Variants in BABAM2 observed in about 807,000 individuals in gnomAD.
BABAM2 encodes the protein BRISC and BRCA1-A complex member 2.
BABAM2 carries 31 observed loss-of-function variants against 54.7 expected under a neutral mutation model. The observed-to-expected ratio is 0.57, with a 90% CI of 0.43 to 0.77. The LOEUF is 0.77. BABAM2 is among the 30% of genes least tolerant of loss of function. The pLI, the probability that BABAM2 is intolerant of heterozygous loss-of-function variation, is 0.00. For synonymous variants in BABAM2, 167 were observed against 162.9 expected, an observed-to-expected ratio of 1.03 and a Z score of -0.19; for missense variants, 364 against 455.8, an observed-to-expected ratio of 0.80 and a Z score of 1.83.
intron 7 of BABAM2, among the ~76,000 whole-genome samples, chr2:28,167,702 AAAT>A (rs1558400374): frequency 6.4e-4 from 22 of 34,520 alleles, no homozygotes; most frequent in African/African-American, 2.4e-3. Flanking sequence ...TCAAAAAAAT[AAAT>A]AAATAAATAA....
chr2:28,169,314 A>C (rs1674060156), intron 7 of BABAM2, among the ~76,000 whole-genome samples: 1 of 152,212 alleles, frequency 6.6e-6, no homozygotes, highest in African/African-American at 2.4e-5. Flanking sequence ...ATGTTTAGCT[A>C]TTCTGGAAGA....
intron 10 of BABAM2, among the ~76,000 whole-genome samples, chr2:28,269,641 A>AAGGCAG (rs1685256337): frequency 6.6e-6 from 1 of 152,170 alleles, no homozygotes; most frequent in South Asian, 2.1e-4. Flanking sequence ...ACTGGAGATA[A>AAGGCAG]AGGCAGGCCA....
At chr2:28,185,018 C>A (rs750329685) in intron 7 of BABAM2, among the ~76,000 whole-genome samples, 32 of 152,066 alleles carry the variant, frequency 2.1e-4, no homozygotes, top group Non-Finnish European at 4.0e-4. Flanking sequence ...ATGTTACTCT[C>A]ACAAGTTTAC....
At chr2:27,932,217 T>C (rs1170494812) in intron 3 of BABAM2, among the ~76,000 whole-genome samples, 1 of 151,398 alleles carries the variant, frequency 6.6e-6, no homozygotes, top group East Asian at 1.9e-4. Flanking sequence ...CATCCGATAA[T>C]TTTTTATTAC....
chr2:28,295,833 C>A (rs184937650), intron 10 of BABAM2, among the ~76,000 whole-genome samples: 1 of 151,354 alleles, frequency 6.6e-6, no homozygotes, highest in Non-Finnish European at 1.5e-5. Context: ...TCAGAAGAGG[C>A]GCGGTGGTTC....
chr2:28,315,337 A>G (rs1689438666), intron 11 of BABAM2, among the ~76,000 whole-genome samples: 1 of 150,394 alleles, frequency 6.6e-6, no homozygotes, highest in South Asian at 2.1e-4. Flanking sequence ...AATGCCTGGC[A>G]CATTGTTGGT....
At position 28,288,955 on chromosome 2, in the gene BABAM2, G is replaced by GGTT. The variant is rs201993848; in HGVS notation, c.935-9376_935-9374dup. Among the ~76,000 whole-genome samples the GGTT allele has an allele frequency of 7.0e-3, 1,056 of 151,208 alleles. 10 individuals are homozygous for GGTT. The highest frequency in any genetic ancestry group is 0.024 in the African/African-American group (1,000 of 41,160). Reference sequence around the variant, plus strand: ...TCTTCCTGGCACTCTACCCACTGTGGGTTGTTGTTTTTTTTTTTTTTCTGA... The same window carrying GGTT: ...TCTTCCTGGCACTCTACCCACTGTGGGTTGTTGTTGTTTTTTTTTTTTTTCTGA... On this transcript the variant is annotated intron_variant, in intron 10 of 11. Transcript: ENST00000379624.
chr2:28,140,568 C>A (rs1670952805), intron 7 of BABAM2, among the ~76,000 whole-genome samples: 1 of 151,916 alleles, frequency 6.6e-6, no homozygotes, highest in African/African-American at 2.4e-5. Flanking sequence ...TTTCATAGAT[C>A]CCTAGGGATA....
intron 3 of BABAM2, among the ~76,000 whole-genome samples, chr2:27,964,429 G>A (rs1310312318): frequency 6.6e-6 from 1 of 152,160 alleles, no homozygotes; most frequent in Non-Finnish European, 1.5e-5. Flanking sequence ...GTAGAGGAAA[G>A]CAGTTACATG....
chr2:27,938,789 A>G (rs1668669258), intron 3 of BABAM2, among the ~76,000 whole-genome samples: 1 of 149,830 alleles, frequency 6.7e-6, no homozygotes, highest in South Asian at 2.1e-4. Flanking sequence ...TCTACGGTAA[A>G]TAATAGATAA....
intron 7 of BABAM2, among the ~76,000 whole-genome samples, chr2:28,234,499 G>A (rs1330126351): frequency 7.2e-5 from 11 of 152,124 alleles, no homozygotes; most frequent in Non-Finnish European, 1.5e-4. Flanking sequence ...TTCCTTCCAT[G>A]TATATAATTT....
chr2:28,242,254 G>A (rs1270345616), intron 9 of BABAM2, among the ~76,000 whole-genome samples: 4 of 152,154 alleles, frequency 2.6e-5, no homozygotes, highest in African/African-American at 9.7e-5. Context: ...ATGCAAAAGC[G>A]GTGGCTCGCA....
rs540311277 is a variant in BABAM2 at position 28,329,169 on chromosome 2, T to C, written c.1089-9281T>C. Among the ~76,000 whole-genome samples, 4 of 152,310 alleles carry C rather than the reference T, an allele frequency of 2.6e-5. No individual in the cohort carries two copies. The South Asian group carries it at 8.3e-4, about 32-fold the overall frequency. Reference sequence around the variant, plus strand: ...CAACCATTATGTCATTTTCCAGGCATTACCCCTGATAACTTATGCTTCCTG... The same window carrying C: ...CAACCATTATGTCATTTTCCAGGCACTACCCCTGATAACTTATGCTTCCTG... On this transcript the variant is annotated intron_variant, in intron 11 of 11. Coordinates refer to ENST00000379624, the MANE Select transcript of BABAM2 (RefSeq NM_199191.3). This position sits in a 1 kb window ranked among gnomAD's most constrained non-coding sequence, Gnocchi z 4.2.
At chr2:28,191,736 A>AGT (rs1387289213) in intron 7 of BABAM2, among the ~76,000 whole-genome samples, 1 of 152,226 alleles carries the variant, frequency 6.6e-6, no homozygotes, top group East Asian at 1.9e-4. Context: ...ACAGCAGAAC[A>AGT]GTGGTTGCCT....
chr2:28,026,843 A>AATATATATTTATATATATATATCT (rs1553414445), intron 5 of BABAM2, among the ~76,000 whole-genome samples: 9 of 40,652 alleles, frequency 2.2e-4, no homozygotes, highest in African/African-American at 8.3e-4. Context: ...AATATATATA[A>AATATATATTTATATATATATATCT]ATATATATTT....
rs1345991880 is a variant in BABAM2, at chr2:28,329,928, C to T, written c.1089-8522C>T. Among the ~76,000 whole-genome samples the T allele has an allele frequency of 6.6e-6, 1 of 152,152 alleles. No homozygotes were observed. Among genetic ancestry groups the T allele is most frequent in the African/African-American group, 2.4e-5 (1 of 41,436 alleles). On this transcript the variant is annotated intron_variant, in intron 11 of 11. Transcript: ENST00000379624. This position sits in a 1 kb window ranked among gnomAD's most constrained non-coding sequence, Gnocchi z 4.2. ...TCCTGATGAACATCAGTGTAAAAAT[C>T]CTCAATAAAATACTGGCAGACTGAA... is the stretch of plus-strand genomic sequence containing the variant.
rs555102585 is a variant in BABAM2, at chr2:28,286,645, T to C, written c.935-11693T>C. On this transcript the variant is annotated intron_variant, in intron 10 of 11. Coordinates refer to ENST00000379624, the MANE Select transcript of BABAM2 (RefSeq NM_199191.3). Reference sequence around the variant, plus strand: ...CTGCCACTGCCTATCCAAATCCTAGTTGTTTTTCAAGGCCCTGCTCAAAGC... The same window carrying C: ...CTGCCACTGCCTATCCAAATCCTAGCTGTTTTTCAAGGCCCTGCTCAAAGC... Among the ~76,000 whole-genome samples the C allele has an allele frequency of 3.9e-5, 6 of 152,332 alleles. No individual in the cohort carries two copies. The South Asian group carries it at 1.0e-3, about 26-fold the overall frequency.
chr2:28,094,938 G>A (rs543966153), intron 6 of BABAM2, among the ~76,000 whole-genome samples: 1 of 140,566 alleles, frequency 7.1e-6, no homozygotes, highest in African/African-American at 2.7e-5. Context: ...ATGCCTATTA[G>A]TCTATTATGT....
chr2:27,900,756 A>G (rs998729484), intron 2 of BABAM2, among the ~76,000 whole-genome samples: 5 of 152,110 alleles, frequency 3.3e-5, no homozygotes, highest in Non-Finnish European at 5.9e-5. Context: ...TTTTGAAATT[A>G]TAGTAGGCCG....
Sources: gnomAD v4.1 joint callset for allele counts (sites outside exome capture counted in the v4.1 genomes callset) on GRCh38, gnomAD v4.1.1 for gene constraint, Gnocchi (gnomAD v3.1) non-coding constraint, MANE v1.5 for transcripts, NCBI Gene and HGNC (gene_info 2026-07-23, HGNC 2026-07-21) for gene names.